The following PAK5 variants were observed in gnomAD, a reference collection of about 807,000 sequenced individuals.
PAK5 encodes the protein serine/threonine-protein kinase PAK 5.
Under a neutral mutation model 65.9 loss-of-function variants are expected in PAK5, and 16 were observed. That is an observed-to-expected ratio of 0.24 (90% confidence interval 0.16 to 0.37). PAK5 has a LOEUF of 0.37. PAK5 is among the 10% of genes least tolerant of loss of function. The pLI, the probability that PAK5 is intolerant of heterozygous loss-of-function variation, is 1.00. For missense variants in PAK5, 785 were observed against 903.9 expected (o/e 0.87, Z 1.69); for synonymous variants, 371 against 354.9 (o/e 1.05, Z -0.51).
intron 2 of PAK5, among the ~76,000 whole-genome samples, chr20:9,697,510 T>TTGTCTGAATCTTTATGGTTG (rs1169000255): frequency 6.6e-6 from 1 of 152,072 alleles, no homozygotes; most frequent in Non-Finnish European, 1.5e-5. Context: ...CAACTCAAGG[T>TTGTCTGAATCTTTATGGTTG]TGTCTGAATC....
chr20:9,773,017 C>T (rs2048850982), intron 1 of PAK5, among the ~76,000 whole-genome samples: 1 of 152,198 alleles, frequency 6.6e-6, no homozygotes, highest in Non-Finnish European at 1.5e-5. Flanking sequence ...GATAAATCCT[C>T]ATGATGAGAA....
At chr20:9,783,127 G>A (rs6056870) in intron 1 of PAK5, among the ~76,000 whole-genome samples, 6,474 of 151,696 alleles carry the variant, frequency 0.043, 456 homozygotes, top group African/African-American at 0.15. Flanking sequence ...GTAGAGATGG[G>A]GTTTCTCCAT....
Position 9,817,557 on chromosome 20 carries a change from C to T in PAK5, c.-162+21205G>A, listed in dbSNP as rs189649099. On this transcript the variant is annotated intron_variant, in intron 1 of 9. Transcript: ENST00000353224. The stretch of plus-strand genomic sequence containing the variant: ...AACAGAAAATAAACAGATAAATGAA[C>T]GAGATAATTTCAGATGGTGAAAAAA... Among the ~76,000 whole-genome samples, 133 of 152,052 alleles carry T rather than the reference C, an allele frequency of 8.7e-4. 1 individual carries two copies. The Middle Eastern group carries it at 0.017, about 19-fold the overall frequency.
intron 1 of PAK5, among the ~76,000 whole-genome samples, chr20:9,770,672 A>G (rs2048822826): frequency 6.6e-6 from 1 of 152,192 alleles, no homozygotes; most frequent in Non-Finnish European, 1.5e-5. Flanking sequence ...TAATTAGAGT[A>G]ATGCAGAGTA....
At chr20:9,650,988 T>C (rs2047195791) in intron 2 of PAK5, among the ~76,000 whole-genome samples, 1 of 152,236 alleles carries the variant, frequency 6.6e-6, no homozygotes, top group Admixed American at 6.5e-5. Context: ...TCTGTGAAAT[T>C]ACTTTCTTTA....
rs115233384 is a variant in PAK5 at position 9,648,006 on chromosome 20, T to A, written c.-11-3667A>T. Among the ~76,000 whole-genome samples the A allele has an allele frequency of 7.3e-3, 1,107 of 152,302 alleles. 10 individuals are homozygous for A. Among genetic ancestry groups the A allele is most frequent in the African/African-American group, 0.026 (1,062 of 41,548 alleles). ...GAAGATCTTCTTGGCAGAATATTTC[T>A]TCTCTCTGATGTGCTCATGCTCAGT... On this transcript the variant is annotated intron_variant, in intron 2 of 9. Transcript: ENST00000353224.
intron 1 of PAK5, among the ~76,000 whole-genome samples, chr20:9,787,625 GT>G: frequency 1.7e-5 from 1 of 60,440 alleles, no homozygotes; most frequent in Admixed American, 1.9e-4. Flanking sequence ...AAGGATGTGT[GT>G]GTGTGTGTGT....
chr20:9,820,152 C>A (rs1044034000), intron 1 of PAK5, among the ~76,000 whole-genome samples: 1 of 152,146 alleles, frequency 6.6e-6, no homozygotes, highest in Non-Finnish European at 1.5e-5. Flanking sequence ...GTTGAAGATA[C>A]GCCCTGCTTC....
chr20:9,712,941 C>G (rs78664567), intron 1 of PAK5, among the ~76,000 whole-genome samples: 3,803 of 152,056 alleles, frequency 0.025, 159 homozygotes, highest in African/African-American at 0.087. Flanking sequence ...GAAAACATTA[C>G]AAGACATTGG....
At chr20:9,579,131 C>T (rs1568976190) in intron 4 of PAK5, among the ~76,000 whole-genome samples, 1 of 152,084 alleles carries the variant, frequency 6.6e-6, no homozygotes, top group Non-Finnish European at 1.5e-5. Context: ...TGCAGGCAGG[C>T]TTGGGTTCCA....
intron 6 of PAK5, among the ~76,000 whole-genome samples, chr20:9,560,977 C>G (rs1252039152): frequency 6.6e-6 from 1 of 152,226 alleles, no homozygotes; most frequent in East Asian, 1.9e-4. Context: ...CCCAGGTCCT[C>G]AGACAGCACT....
At position 9,557,709 on chromosome 20, in the gene PAK5, C is replaced by T. The variant is rs199561623; in HGVS notation, c.1642G>A (p.Val548Ile). The T allele has an allele frequency of 9.3e-6, 15 of 1,610,846 alleles. No individual in the cohort carries two copies. The highest frequency in any genetic ancestry group is 1.3e-5 in the Non-Finnish European group (15 of 1,177,368). ...AGAGCTCTCAGAACTGACAGGCAGA[C>T]AGTAGCTATCTGTTCTTCATTCATT... The part of the protein sequence containing the change: ...TRMNEEQIAT[V>I]CLSVLRALSY... Residue 548 changes from valine (V) to isoleucine (I), a missense_variant, in exon 7 of 10, where the codon GTC becomes ATC. Transcript: ENST00000353224.
At chr20:9,562,757 A>C in intron 6 of PAK5, 134 bp downstream of exon 6, 2 of 710,870 alleles carry the variant, frequency 2.8e-6, no homozygotes, top group Non-Finnish European at 2.4e-6. Flanking sequence ...CCTCTGGGGA[A>C]TGTAGGGGAA....
intron 1 of PAK5, among the ~76,000 whole-genome samples, chr20:9,789,874 CA>C (rs1475840912): frequency 6.6e-6 from 1 of 152,120 alleles, no homozygotes; most frequent in African/African-American, 2.4e-5. Context: ...ATGATACCAA[CA>C]AAATGAAGTG....
intron 2 of PAK5, among the ~76,000 whole-genome samples, chr20:9,673,920 G>A (rs1232037654): frequency 6.6e-6 from 1 of 152,138 alleles, no homozygotes; most frequent in Non-Finnish European, 1.5e-5. Context: ...TGCCCAATAA[G>A]GAGCTTAAAA....
intron 1 of PAK5, among the ~76,000 whole-genome samples, chr20:9,764,273 T>C (rs2048731933): frequency 6.6e-6 from 1 of 152,182 alleles, no homozygotes; most frequent in Admixed American, 6.5e-5. Context: ...CTGAGTTTTT[T>C]CTTAAGATTA....
At chr20:9,699,956 T>G (rs143222130) in intron 2 of PAK5, among the ~76,000 whole-genome samples, 1 of 152,322 alleles carries the variant, frequency 6.6e-6, no homozygotes, top group East Asian at 1.9e-4. Context: ...AGGAGACAGT[T>G]AACTCAGCAT....
chr20:9,726,657 A>G (rs2048280836), intron 1 of PAK5, among the ~76,000 whole-genome samples: 1 of 152,148 alleles, frequency 6.6e-6, no homozygotes, highest in Non-Finnish European at 1.5e-5. Flanking sequence ...TTCACCAAGT[A>G]TTTAAAAGTA....
At chr20:9,804,910 A>G (rs1034384179) in intron 1 of PAK5, among the ~76,000 whole-genome samples, 6 of 152,042 alleles carry the variant, frequency 3.9e-5, no homozygotes, top group African/African-American at 7.2e-5. Flanking sequence ...AAACAAACAA[A>G]AACAGCAATC....
Sources: allele counts gnomAD v4.1 joint callset (sites outside exome capture counted in the v4.1 genomes callset), GRCh38; gene constraint gnomAD v4.1.1; transcripts MANE v1.5; gene names NCBI Gene and HGNC (gene_info 2026-07-23, HGNC 2026-07-21).